CTNS: variants seen among roughly 807,000 people sequenced by gnomAD.
CTNS encodes cystinosin, lysosomal cystine transporter, also known as cystinosin.
Under a neutral mutation model 43.7 loss-of-function variants are expected in CTNS, and 27 were observed. That is an observed-to-expected ratio of 0.62 (90% CI 0.46 to 0.85). The LOEUF (loss-of-function observed/expected upper bound fraction) is 0.85, where lower values mean the gene tolerates loss of function less well. CTNS is among the 40% of genes least tolerant of loss of function. The pLI is 0.00. For missense variants in CTNS, 457 were observed against 475.4 expected (o/e 0.96, Z 0.36); for synonymous variants, 187 against 190.6 (o/e 0.98, Z 0.16).
chr17:3,655,139 A>G (rs374395975), intron 6 of CTNS, 38 bp downstream of exon 6: 157 of 1,613,858 alleles, frequency 9.7e-5, no homozygotes, highest in Non-Finnish European at 1.3e-4. Flanking sequence ...TCACGTGACA[A>G]GAAGGGGGCC....
chr17:3,655,373 T>C (rs760723495), intron 7 of CTNS, 21 bp downstream of exon 7: 6 of 1,613,674 alleles, frequency 3.7e-6, no homozygotes, highest in South Asian at 2.2e-5. Flanking sequence ...GGGCCGTATG[T>C]GCAGGCTCTC....
At chr17:3,640,312 T>A in intron 3 of CTNS, 45 bp downstream of exon 3, 1 of 1,561,134 alleles carries the variant, frequency 6.4e-7, no homozygotes, top group Non-Finnish European at 8.8e-7. Flanking sequence ...AGGGAAATGG[T>A]GGCTAGAGGA....
intron 2 of CTNS, among the ~76,000 whole-genome samples, chr17:3,638,712 C>T (rs2075602109): frequency 6.6e-6 from 1 of 152,132 alleles, no homozygotes; most frequent in African/African-American, 2.4e-5. Flanking sequence ...TGGAGAAAAA[C>T]CAGACTCTGT....
In CTNS at chr17:3,656,470, C is replaced by G. The variant is rs760741120; in HGVS notation, c.462-17C>G. 1.3e-6 allele frequency: 2 copies of G among 1,557,894 alleles called. No individual in the cohort carries two copies. Among genetic ancestry groups the G allele is most frequent in the Non-Finnish European group, 1.7e-6 (2 of 1,156,494 alleles). Reference sequence around the variant, plus strand: ...GTCTTCACCCCCTGCCCTGTCTTGTCCCTCCACCCCCTGCAGTGTCATTGG... The same window carrying G: ...GTCTTCACCCCCTGCCCTGTCTTGTGCCTCCACCCCCTGCAGTGTCATTGG... On this transcript the variant is annotated splice_polypyrimidine_tract_variant and intron_variant, in intron 7 of 11. Coordinates refer to ENST00000046640, the MANE Select transcript of CTNS (RefSeq NM_004937.3).
chr17:3,637,557 C>A (rs552657620), intron 2 of CTNS, among the ~76,000 whole-genome samples: 48 of 152,096 alleles, frequency 3.2e-4, no homozygotes, highest in African/African-American at 1.2e-3. Context: ...ACCTCCGCCT[C>A]CGGGGTTCAA....
At chr17:3,657,975 T>C (rs1389326645) in intron 9 of CTNS, 30 bp from the exon 10 acceptor site, 3 of 1,603,760 alleles carry the variant, frequency 1.9e-6, no homozygotes, top group Non-Finnish European at 1.7e-6. Context: ...TCTGTGTGGG[T>C]CCACATCTCT....
intron 3 of CTNS, among the ~76,000 whole-genome samples, chr17:3,642,082 T>TGTGTGTGC (rs1425642319): frequency 2.2e-5 from 3 of 136,242 alleles, no homozygotes; most frequent in Non-Finnish European, 3.3e-5. Context: ...TGTGTGTGTG[T>TGTGTGTGC]GCCTGGGCGT....
intron 7 of CTNS, chr17:3,655,590 G>A (rs1016163990): frequency 5.5e-6 from 3 of 543,820 alleles, no homozygotes; most frequent in South Asian, 2.0e-5. Context: ...AGGGAAAAGG[G>A]GCTCCTTAGT....
chr17:3,636,603 C>T (rs11657606), upstream of CTNS: 13,519 of 211,556 alleles, frequency 0.064, 478 homozygotes, highest in Middle Eastern at 0.12. Flanking sequence ...CTCTGCGCCC[C>T]GGCCCGACCC....
In CTNS at chr17:3,640,184, C is replaced by T; in HGVS notation, c.-19-4C>T. 6.2e-7 allele frequency: 1 copy of T among 1,611,426 alleles called. No homozygotes were observed. The highest frequency in any genetic ancestry group is 1.3e-5 in the African/African-American group (1 of 74,992). On this transcript the variant is annotated splice_polypyrimidine_tract_variant and splice_region_variant and intron_variant, in intron 2 of 11. Coordinates refer to ENST00000046640, the MANE Select transcript of CTNS (RefSeq NM_004937.3). Reference sequence around the variant, plus strand: ...AACTTCTCTCTTGCTGTTTTTCTTCCTAGTTCTGAGAAATCGAGAAACATG... The same window carrying T: ...AACTTCTCTCTTGCTGTTTTTCTTCTTAGTTCTGAGAAATCGAGAAACATG...
intron 5 of CTNS, among the ~76,000 whole-genome samples, chr17:3,653,359 G>A (rs2076037127): frequency 6.6e-6 from 1 of 152,222 alleles, no homozygotes; most frequent in African/African-American, 2.4e-5. Flanking sequence ...ATTGCAGTGA[G>A]CCAAGATCAT....
At chr17:3,655,910 G>C in intron 7 of CTNS, 1 of 251,008 alleles carries the variant, frequency 4.0e-6, no homozygotes, top group East Asian at 9.7e-5. Flanking sequence ...GAGGGAAGTA[G>C]CTCTTCAAGA....
chr17:3,657,629 G>A, intron 9 of CTNS: 1 of 347,642 alleles, frequency 2.9e-6, no homozygotes, highest in Non-Finnish European at 5.5e-6. Flanking sequence ...GTCAGTACCT[G>A]GCTGGGAGAG....
Position 3,661,170 on chromosome 17 carries a change from C to G in CTNS, c.*801C>G. The G allele has an allele frequency of 7.5e-6, 2 of 267,326 alleles. No homozygotes were observed. Among genetic ancestry groups the G allele is most frequent in the African/African-American group, 2.2e-5 (1 of 45,354 alleles). 16.6% of individuals were successfully genotyped at this position (267,326 alleles called of 1,614,324 possible). ...CATCTGGAGTACAGGACATAGCTCTCTCCTGCTACCAGTCTGTGCCTTAGA... is the reference window on the plus strand; with the variant it reads ...CATCTGGAGTACAGGACATAGCTCTGTCCTGCTACCAGTCTGTGCCTTAGA... On this transcript the variant is annotated 3_prime_UTR_variant, in exon 12 of 12. Transcript: ENST00000046640.
intron 9 of CTNS, 165 bp downstream of exon 9, chr17:3,656,960 G>GC (rs2076163923): frequency 3.6e-6 from 4 of 1,124,284 alleles, no homozygotes; most frequent in Non-Finnish European, 5.1e-6. Flanking sequence ...GGCCCTCAGA[G>GC]CCCCCCAAGT....
At chr17:3,651,166 C>T (rs2075972511) in intron 5 of CTNS, among the ~76,000 whole-genome samples, 1 of 152,046 alleles carries the variant, frequency 6.6e-6, no homozygotes, top group African/African-American at 2.4e-5. Context: ...GCAATCTCAG[C>T]TCACCGCAAC....
chr17:3,647,322 G>C, intron 3 of CTNS, 122 bp from the exon 4 acceptor site: 1 of 836,970 alleles, frequency 1.2e-6, no homozygotes. Flanking sequence ...TCCCATCACA[G>C]AATAGGGCTC....
chr17:3,646,482 T>C, intron 3 of CTNS, among the ~76,000 whole-genome samples: 1 of 151,948 alleles, frequency 6.6e-6, no homozygotes, highest in East Asian at 1.9e-4. Flanking sequence ...AGAGACAGGG[T>C]TTCACCATGT....
In CTNS at chr17:3,661,006, C is replaced by T; in HGVS notation, c.*637C>T. 1.9e-6 allele frequency: 1 copy of T among 527,492 alleles called. No individual in the cohort carries two copies. Among genetic ancestry groups the T allele is most frequent in the Non-Finnish European group, 3.4e-6 (1 of 291,850 alleles). The allele number at this position is 527,492 out of a possible 1,614,324, so 32.7% of individuals were successfully genotyped here. ...AGATTGGTTCTGAATTGGATTCATGCCCAGCGCATTAGCATAGTAACTCCT... is the reference window on the plus strand; with the variant it reads ...AGATTGGTTCTGAATTGGATTCATGTCCAGCGCATTAGCATAGTAACTCCT... On this transcript the variant is annotated 3_prime_UTR_variant, in exon 12 of 12. Coordinates refer to ENST00000046640, the MANE Select transcript of CTNS (RefSeq NM_004937.3).
Sources: allele counts gnomAD v4.1 joint callset (sites outside exome capture counted in the v4.1 genomes callset), GRCh38; gene constraint gnomAD v4.1.1; transcripts MANE v1.5; gene names NCBI Gene and HGNC (gene_info 2026-07-23, HGNC 2026-07-21).